Variants in DNAH11 observed in about 807,000 individuals in gnomAD.
DNAH11 encodes the protein dynein axonemal heavy chain 11.
A neutral mutation model predicts 526.0 loss-of-function variants in DNAH11; 442 were observed. The ratio of observed to expected loss-of-function variants is 0.84; its 90% confidence interval spans 0.78 to 0.91. The LOEUF (loss-of-function observed/expected upper bound fraction) is 0.91. Ranked by LOEUF, DNAH11 falls within the 40% of genes least tolerant of loss-of-function variation. The pLI, the probability that DNAH11 is intolerant of heterozygous loss-of-function variation, is 0.00. For missense variants in DNAH11, 6,989 were observed against 5,448.7 expected (o/e 1.28, Z -8.90); for synonymous variants, 2,461 against 1,935.9 (o/e 1.27, Z -7.12).
intron 75 of DNAH11, among the ~76,000 whole-genome samples, chr7:21,883,941 G>A (rs1231148701): frequency 3.3e-5 from 5 of 152,106 alleles, no homozygotes; most frequent in Non-Finnish European, 7.4e-5. Context: ...TACTTGGGAG[G>A]CTGAGGCGAG....
At chr7:21,834,979 G>A (rs1781938829) in intron 65 of DNAH11, among the ~76,000 whole-genome samples, 1 of 152,054 alleles carries the variant, frequency 6.6e-6, no homozygotes, top group Non-Finnish European at 1.5e-5. Context: ...AGACTATTAT[G>A]AACAAGTATA....
intron 28 of DNAH11, among the ~76,000 whole-genome samples, chr7:21,643,922 C>G (rs1787237310): frequency 6.6e-6 from 1 of 152,108 alleles, no homozygotes. Flanking sequence ...TAAAATATGA[C>G]TTAATGTGGC....
chr7:21,741,784 G>A (rs1364131445), intron 48 of DNAH11, 143 bp from the exon 49 acceptor site: 16 of 917,208 alleles, frequency 1.7e-5, no homozygotes, highest in Non-Finnish European at 2.6e-5. Flanking sequence ...AAATCACATG[G>A]CCAACCCCAG....
intron 20 of DNAH11, among the ~76,000 whole-genome samples, chr7:21,609,369 A>C (rs1785425526): frequency 6.6e-6 from 1 of 151,934 alleles, no homozygotes; most frequent in East Asian, 1.9e-4. Context: ...ACAGGCACGC[A>C]CCACCACACC....
intron 40 of DNAH11, 55 bp downstream of exon 40, chr7:21,707,890 T>A: frequency 6.6e-7 from 1 of 1,510,958 alleles, no homozygotes; most frequent in Non-Finnish European, 8.8e-7. Flanking sequence ...AGAAAGCCGT[T>A]TTTCAGTACA....
intron 65 of DNAH11, among the ~76,000 whole-genome samples, chr7:21,827,426 A>T (rs930109906): frequency 1.1e-4 from 17 of 151,790 alleles, no homozygotes; most frequent in South Asian, 2.1e-4. Flanking sequence ...TGAATTTTTT[A>T]AAATATTATT....
chr7:21,704,387 T>C (rs928944924), intron 37 of DNAH11, 47 bp from the exon 38 acceptor site: 4 of 1,546,540 alleles, frequency 2.6e-6, no homozygotes, highest in Non-Finnish European at 2.6e-6. Context: ...TTTTAGGTGT[T>C]TGTTAGACCT....
At chr7:21,864,222 TAAGAC>T (rs1321514102) in intron 69 of DNAH11, among the ~76,000 whole-genome samples, 5 of 152,234 alleles carry the variant, frequency 3.3e-5, no homozygotes, top group Non-Finnish European at 5.9e-5. Flanking sequence ...GTGTAAGTGT[TAAGAC>T]AAGTTTGATC....
rs570709408 is a variant in DNAH11, at chr7:21,619,715, G to A, written c.4378-241G>A. Among the ~76,000 whole-genome samples, 143 of 152,240 alleles carry A rather than the reference G, an allele frequency of 9.4e-4. 1 individual carries two copies. The highest frequency in any genetic ancestry group is 3.2e-3 in the African/African-American group (131 of 41,542). ...CTGCTCTTGAATTGTGTTTTGGTTAGGGATGATAAACTCACATTCAGTAGA... is the reference window on the plus strand; with the variant it reads ...CTGCTCTTGAATTGTGTTTTGGTTAAGGATGATAAACTCACATTCAGTAGA... On this transcript the variant is annotated intron_variant, in intron 24 of 81. Coordinates refer to ENST00000409508, the MANE Select transcript of DNAH11 (RefSeq NM_001277115.2).
intron 81 of DNAH11, among the ~76,000 whole-genome samples, chr7:21,900,497 C>T (rs1170621505): frequency 1.9e-5 from 2 of 106,564 alleles, no homozygotes; most frequent in Admixed American, 1.8e-4. Context: ...AAGACTTCTC[C>T]AAGCCTGGAA....
At chr7:21,543,789 T>C (rs1476891593) in intron 1 of DNAH11, 193 bp downstream of exon 1, 2 of 614,826 alleles carry the variant, frequency 3.3e-6, no homozygotes, top group African/African-American at 1.9e-5. Context: ...AGCTGCAGGT[T>C]AGTTTCCTAA....
At chr7:21,619,517 T>C (rs189390557) in intron 24 of DNAH11, among the ~76,000 whole-genome samples, 4 of 152,348 alleles carry the variant, frequency 2.6e-5, no homozygotes, top group African/African-American at 9.6e-5. Flanking sequence ...CCATTTAATC[T>C]TCTGAGGTAA....
intron 28 of DNAH11, among the ~76,000 whole-genome samples, chr7:21,643,474 A>T (rs1234124900): frequency 1.3e-5 from 2 of 152,206 alleles, no homozygotes; most frequent in African/African-American, 4.8e-5. Flanking sequence ...AGCTATACTA[A>T]AGAAAGACTC....
intron 25 of DNAH11, among the ~76,000 whole-genome samples, chr7:21,626,775 G>A (rs774831211): frequency 1.9e-4 from 25 of 132,454 alleles, no homozygotes; most frequent in Non-Finnish European, 2.7e-4. Context: ...TTTTTGAGGC[G>A]GAGTCTCATC....
At chr7:21,663,057 C>T (rs536806481) in intron 30 of DNAH11, among the ~76,000 whole-genome samples, 1 of 152,202 alleles carries the variant, frequency 6.6e-6, no homozygotes, top group East Asian at 1.9e-4. Flanking sequence ...TTAGCTCCCA[C>T]TTATAGGTGA....
At chr7:21,894,010 A>C (rs909228533) in intron 77 of DNAH11, among the ~76,000 whole-genome samples, 1 of 152,112 alleles carries the variant, frequency 6.6e-6, no homozygotes, top group African/African-American at 2.4e-5. Flanking sequence ...TGCCTCAGCC[A>C]CCCAAATAGC....
In DNAH11 at chr7:21,875,985, G is replaced by A. The variant is rs547794917; in HGVS notation, c.12195+2484G>A. Among the ~76,000 whole-genome samples, 29 of 141,370 alleles carry A rather than the reference G, an allele frequency of 2.1e-4. No homozygotes were observed. The East Asian group carries it at 5.5e-3, about 27-fold the overall frequency. The allele number at this position is 141,370 out of a possible 152,430, so 92.7% of individuals were successfully genotyped here. On this transcript the variant is annotated intron_variant, in intron 74 of 81. Transcript: ENST00000409508. ...TGCAAGCTCCGCCTCCCAGGTTCACGCCATTCTCCTGCCTCAGCCTCCCGA... is the reference window on the plus strand; with the variant it reads ...TGCAAGCTCCGCCTCCCAGGTTCACACCATTCTCCTGCCTCAGCCTCCCGA...
At chr7:21,736,857 A>T (rs1785635161) in intron 46 of DNAH11, among the ~76,000 whole-genome samples, 1 of 152,206 alleles carries the variant, frequency 6.6e-6, no homozygotes, top group Admixed American at 6.5e-5. Flanking sequence ...TCATCTATTC[A>T]GAAAATACAT....
intron 2 of DNAH11, among the ~76,000 whole-genome samples, chr7:21,549,581 G>A (rs1045888638): frequency 3.3e-5 from 5 of 152,090 alleles, no homozygotes; most frequent in African/African-American, 4.8e-5. Flanking sequence ...CCATATAACC[G>A]AGATGCTACT....
Sources: gnomAD v4.1 joint callset for allele counts (sites outside exome capture counted in the v4.1 genomes callset) on GRCh38, gnomAD v4.1.1 for gene constraint, MANE v1.5 for transcripts, NCBI Gene and HGNC (gene_info 2026-07-23, HGNC 2026-07-21) for gene names.